AHNAK: variants seen among roughly 807,000 people sequenced by gnomAD.
AHNAK encodes neuroblast differentiation-associated protein AHNAK.
In AHNAK, 23 loss-of-function variants were observed where a neutral mutation model predicts 37.8. That is an observed-to-expected ratio of 0.61 (90% confidence interval 0.44 to 0.86). AHNAK has a LOEUF of 0.86. AHNAK is among the 40% of genes least tolerant of loss of function. The pLI is 0.00. For synonymous variants in AHNAK, 2,481 were observed against 2,636.3 expected (o/e 0.94, Z 1.80); for missense variants, 7,411 against 7,319.4 (o/e 1.01, Z -0.46).
chr11:62,541,442 T>TA (rs1236644013), intron 1 of AHNAK, among the ~76,000 whole-genome samples: 14 of 152,116 alleles, frequency 9.2e-5, no homozygotes, highest in African/African-American at 3.4e-4. Context: ...TGCCCAGAGT[T>TA]AGAGACCCCT....
chr11:62,518,249 G>T lies in AHNAK; in HGVS notation c.16168C>A (p.Pro5390Thr), dbSNP rs77640901. The T allele has an allele frequency of 2.1e-3, 3,375 of 1,614,132 alleles. 38 individuals carry two copies. The East Asian group carries it at 0.041, about 20-fold the overall frequency. Residue 5390 changes from proline to threonine, a missense_variant, in exon 5 of 5, where the codon CCT becomes ACT. Coordinates refer to ENST00000378024, the MANE Select transcript of AHNAK (RefSeq NM_001620.3). Reference sequence around the variant, plus strand: ...TCGGATGCCTCCAAGCTTAGATCAGGAGCTCCTACGGATACTTTAGGGCAT... The same window carrying T: ...TCGGATGCCTCCAAGCTTAGATCAGTAGCTCCTACGGATACTTTAGGGCAT... Reference protein sequence around the residue: ...IKCPKVSVGAPDLSLEASEGS... With the variant: ...IKCPKVSVGATDLSLEASEGS...
exon 6 of AHNAK, chr11:62,433,714 G>T: frequency 1.2e-6 from 1 of 816,916 alleles, no homozygotes. Flanking sequence ...CCTGGCTGGA[G>T]CTATAAACAT....
chr11:62,488,959 G>A (rs755603885), intron 5 of AHNAK, among the ~76,000 whole-genome samples: 24 of 151,910 alleles, frequency 1.6e-4, no homozygotes, highest in East Asian at 2.0e-4. Context: ...ACACAGGAGC[G>A]GCCCAGCGCG....
chr11:62,484,174 C>T (rs971997059), intron 5 of AHNAK, among the ~76,000 whole-genome samples: 3 of 151,424 alleles, frequency 2.0e-5, no homozygotes, highest in African/African-American at 7.3e-5. Context: ...ACCAAGAGCT[C>T]AAGACCAGTC....
chr11:62,445,753 A>T (rs1050653835), intron 5 of AHNAK, among the ~76,000 whole-genome samples: 3 of 150,618 alleles, frequency 2.0e-5, no homozygotes, highest in Non-Finnish European at 4.4e-5. Flanking sequence ...GCAGTGGTTC[A>T]TGCCTATAAT....
intron 1 of AHNAK, among the ~76,000 whole-genome samples, chr11:62,538,941 G>A (rs1458611386): frequency 1.4e-4 from 21 of 152,228 alleles, no homozygotes; most frequent in African/African-American, 3.4e-4. Context: ...ATCACAACAC[G>A]GATGAAAGAG....
chr11:62,533,447 T>C lies in AHNAK; in HGVS notation c.970A>G (p.Thr324Ala). 1 of 1,613,980 alleles carries C rather than the reference T, an allele frequency of 6.2e-7. No individual in the cohort carries two copies. The highest frequency in any genetic ancestry group is 8.5e-7 in the Non-Finnish European group (1 of 1,179,886). Residue 324 changes from threonine to alanine, a missense_variant, in exon 5 of 5, where the codon ACA becomes GCA. Coordinates refer to ENST00000378024, the MANE Select transcript of AHNAK (RefSeq NM_001620.3). Reference sequence around the variant, plus strand: ...GAAACCCTCAGCCCTGCCTTTGGTGTCTGGCCCTCACGCCCTGTTGAGACA... The same window carrying C: ...GAAACCCTCAGCCCTGCCTTTGGTGCCTGGCCCTCACGCCCTGTTGAGACA... ...FGVSTGREGQTPKAGLRVSAP... is the reference protein window; with the variant it reads ...FGVSTGREGQAPKAGLRVSAP...
rs566881820 is a variant in AHNAK at position 62,466,769 on chromosome 11, T to G, written c.442+24963A>C. On this transcript the variant is annotated intron_variant, in intron 5 of 5. Coordinates refer to the AHNAK transcript ENST00000257247. ...ATATGATAGATATCCAGTAAATATT[T>G]GTTAGATCAGTGAAGTAAAACCTTA... 2.4e-4 allele frequency among the ~76,000 whole-genome samples: 36 copies of G among 152,286 alleles called. No homozygotes were observed. In the South Asian group the frequency reaches 7.5e-3, roughly 32 times the overall value.
chr11:62,531,612 C>T lies in AHNAK; in HGVS notation c.2805G>A (p.Lys935=). The T allele has an allele frequency of 6.2e-7, 1 of 1,613,538 alleles. No individual in the cohort carries two copies. ...GGGCCTTGATATTCATCTCTGGCAT[C>T]TTGAACTTGGGGCCCTTCAGCTTTC... ...PEGKLKGPKF[K]MPEMNIKAPK... Residue 935 remains lysine, a synonymous_variant, in exon 5 of 5, where the codon AAG becomes AAA. Coordinates refer to ENST00000378024, the MANE Select transcript of AHNAK (RefSeq NM_001620.3).
intron 4 of AHNAK, among the ~76,000 whole-genome samples, chr11:62,495,122 A>T (rs11231115): frequency 0.14 from 21,978 of 151,952 alleles, 3,925 homozygotes; most frequent in African/African-American, 0.42. Flanking sequence ...AGCTGTGATC[A>T]CACCACTGCA....
intron 5 of AHNAK, among the ~76,000 whole-genome samples, chr11:62,468,113 C>T (rs1013704571): frequency 4.6e-5 from 7 of 151,986 alleles, no homozygotes; most frequent in Non-Finnish European, 1.0e-4. Flanking sequence ...TTTGGGAGGC[C>T]GAAATGGGCG....
intron 5 of AHNAK, among the ~76,000 whole-genome samples, chr11:62,446,070 G>A (rs1462013902): frequency 6.6e-6 from 1 of 152,132 alleles, no homozygotes; most frequent in Non-Finnish European, 1.5e-5. Context: ...TACAGAGCAG[G>A]GGCAGGCTCC....
chr11:62,525,137 G>T lies in AHNAK; in HGVS notation c.9280C>A (p.Pro3094Thr). The T allele has an allele frequency of 1.9e-6, 3 of 1,613,936 alleles. No individual in the cohort carries two copies. Among genetic ancestry groups the T allele is most frequent in the Non-Finnish European group, 2.5e-6 (3 of 1,180,000 alleles). ...CCTTTCAGGTTAAGATCAATGTCAG[G>T]CATGGAGATCTTGGGGGCTTTGATG... ...MNIKAPKISM[P>T]DIDLNLKGPK... Residue 3094 changes from proline (P) to threonine (T), a missense_variant, in exon 5 of 5, where the codon CCT becomes ACT. By Grantham distance (38) the Pro-to-Thr change is conservative. Coordinates refer to ENST00000378024, the MANE Select transcript of AHNAK (RefSeq NM_001620.3).
Position 62,527,407 on chromosome 11 carries a change from A to G in AHNAK, c.7010T>C (p.Leu2337Pro). The G allele has an allele frequency of 6.2e-7, 1 of 1,614,114 alleles. No individual in the cohort carries two copies. The highest frequency in any genetic ancestry group is 1.1e-5 in the South Asian group (1 of 91,078). The change falls in exon 5 of 5, where the codon CTG (leucine) becomes CCG (proline). Residue 2337 changes from leucine to proline, a missense_variant. Physicochemically the swap from Leu to Pro is moderately conservative, Grantham distance 98. Transcript: ENST00000378024. ...TTCTGGACCTTTTAACTCTCCCTCC[A>G]GCTTTGGGGCAGAAACATCAACATC... ...KGDVDVSAPK[L>P]EGELKGPELD...
At position 62,447,767 on chromosome 11, in the gene AHNAK, T is replaced by G. The variant is rs546531679; in HGVS notation, c.443-13876A>C. 5.1e-5 allele frequency among the ~76,000 whole-genome samples: 7 copies of G among 138,142 alleles called. No homozygotes were observed. The South Asian group carries it at 1.6e-3, about 31-fold the overall frequency. 90.6% of individuals were successfully genotyped at this position (138,142 alleles called of 152,430 possible). On this transcript the variant is annotated intron_variant, in intron 5 of 5. Coordinates refer to the AHNAK transcript ENST00000257247. Reference sequence around the variant, plus strand: ...CTGGCCCTCTGCCCCCGTGGACCTCTGAAGTTCATGCCCTCATCATCTACC... The same window carrying G: ...CTGGCCCTCTGCCCCCGTGGACCTCGGAAGTTCATGCCCTCATCATCTACC...
chr11:62,527,005 A>G lies in AHNAK; in HGVS notation c.7412T>C (p.Val2471Ala). 1 of 1,613,990 alleles carries G rather than the reference A, an allele frequency of 6.2e-7. No individual in the cohort carries two copies. Among genetic ancestry groups the G allele is most frequent in the Non-Finnish European group, 8.5e-7 (1 of 1,179,938 alleles). ...NLKGPKIKGDVDVSVPEVEGK... is the reference protein window; with the variant it reads ...NLKGPKIKGDADVSVPEVEGK... ...TTCTACCTCAGGCACAGACACATCC[A>G]CATCCCCCTTGATTTTGGGTCCTTT... Residue 2471 changes from valine (V) to alanine (A), a missense_variant, in exon 5 of 5, where the codon GTG becomes GCG. Transcript: ENST00000378024.
At position 62,521,537 on chromosome 11, in the gene AHNAK, T is replaced by C; in HGVS notation, c.12880A>G (p.Lys4294Glu). 6.2e-7 allele frequency: 1 copy of C among 1,613,248 alleles called. No individual in the cohort carries two copies. Among genetic ancestry groups the C allele is most frequent in the South Asian group, 1.1e-5 (1 of 91,032 alleles). ...GDLKGPEVDIKGPKVDIDAPD... is the reference protein window; with the variant it reads ...GDLKGPEVDIEGPKVDIDAPD... ...GCATCGATGTCCACTTTGGGGCCCT[T>C]GATGTCAACTTCTGGGCCCTTGAGG... The change falls in exon 5 of 5, where the codon AAG becomes GAG. Residue 4294 changes from lysine to glutamate, a missense_variant. Lys to Glu is a moderately conservative substitution (Grantham distance 56, BLOSUM62 1). Transcript: ENST00000378024.
intron 4 of AHNAK, among the ~76,000 whole-genome samples, chr11:62,504,626 G>A (rs1435468263): frequency 6.6e-6 from 1 of 151,362 alleles, no homozygotes; most frequent in Non-Finnish European, 1.5e-5. Flanking sequence ...GCAGCCACGC[G>A]CCCTTGAGGA....
intron 3 of AHNAK, 106 bp from the exon 4 acceptor site, chr11:62,535,296 C>T: frequency 6.8e-6 from 7 of 1,029,326 alleles, no homozygotes; most frequent in South Asian, 1.6e-5. Flanking sequence ...CATGACCACC[C>T]TGCAAGGTGG....
Sources: gnomAD v4.1 joint callset for allele counts (sites outside exome capture counted in the v4.1 genomes callset) on GRCh38, gnomAD v4.1.1 for gene constraint, MANE v1.5 for transcripts, NCBI Gene and HGNC (gene_info 2026-07-23, HGNC 2026-07-21) for gene names.